Variants in AAMDC observed in about 807,000 individuals in gnomAD.
AAMDC encodes the protein mth938 domain-containing protein.
A neutral mutation model predicts 15.5 loss-of-function variants in AAMDC; 16 were observed. The ratio of observed to expected loss-of-function variants is 1.03; its 90% CI spans 0.70 to 1.57. The LOEUF is 1.57. AAMDC is among the 40% of genes most tolerant of loss of function. The pLI, the probability that AAMDC is intolerant of heterozygous loss-of-function variation, is 0.00. For synonymous variants in AAMDC, 51 were observed against 51.6 expected (o/e 0.99, Z 0.05); for missense variants, 141 against 144.9 (o/e 0.97, Z 0.14).
At chr11:77,832,532 G>C (rs1382779605) in intron 1 of AAMDC, among the ~76,000 whole-genome samples, 1 of 151,834 alleles carries the variant, frequency 6.6e-6, no homozygotes, top group Non-Finnish European at 1.5e-5. Context: ...CTCCATGTTG[G>C]TCAGGCTGGT....
intron 2 of AAMDC, among the ~76,000 whole-genome samples, chr11:77,845,188 T>G (rs889080005): frequency 4.6e-5 from 7 of 152,314 alleles, no homozygotes; most frequent in Non-Finnish European, 1.0e-4. Flanking sequence ...CAAGTATTCT[T>G]TCTACTCCTA....
At chr11:77,878,172 C>T (rs1951655071) in intron 5 of AAMDC, among the ~76,000 whole-genome samples, 2 of 152,004 alleles carry the variant, frequency 1.3e-5, no homozygotes, top group East Asian at 3.8e-4. Flanking sequence ...ACCATCCTGG[C>T]TAACATGGTG....
rs567441237 is a variant in AAMDC, at chr11:77,857,618, T to C, written c.133-12104T>C. On this transcript the variant is annotated intron_variant, in intron 2 of 3. Transcript: ENST00000393427. Reference sequence around the variant, plus strand: ...ATTTTACTTTAAGTTCTCGGATACATGTGCAGAACATGCAGGTTTGTTACA... The same window carrying C: ...ATTTTACTTTAAGTTCTCGGATACACGTGCAGAACATGCAGGTTTGTTACA... Among the ~76,000 whole-genome samples, 395 of 152,258 alleles carry C rather than the reference T, an allele frequency of 2.6e-3. 1 individual carries two copies. The highest frequency in any genetic ancestry group is 9.3e-3 in the African/African-American group (387 of 41,558).
chr11:77,851,806 G>A (rs1370007965), intron 2 of AAMDC, among the ~76,000 whole-genome samples: 1 of 152,112 alleles, frequency 6.6e-6, no homozygotes, highest in African/African-American at 2.4e-5. Flanking sequence ...TGTACAGCCT[G>A]CAGAACTGTG....
intron 1 of AAMDC, among the ~76,000 whole-genome samples, chr11:77,825,149 T>G (rs1419759125): frequency 6.6e-6 from 1 of 151,866 alleles, no homozygotes; most frequent in Non-Finnish European, 1.5e-5. Flanking sequence ...CCCGGCTAAT[T>G]TTTTTTGTAT....
At chr11:77,827,440 T>C (rs1565195154) in intron 1 of AAMDC, among the ~76,000 whole-genome samples, 1 of 152,112 alleles carries the variant, frequency 6.6e-6, no homozygotes, top group Non-Finnish European at 1.5e-5. Context: ...TTATACACCA[T>C]AAACAAGTGG....
intron 5 of AAMDC, among the ~76,000 whole-genome samples, chr11:77,893,139 T>C (rs1343765302): frequency 2.6e-5 from 4 of 152,248 alleles, no homozygotes; most frequent in Non-Finnish European, 4.4e-5. Flanking sequence ...ATACCAGAAG[T>C]CTGGTCACTC....
chr11:77,864,080 C>T (rs947687056), intron 2 of AAMDC, among the ~76,000 whole-genome samples: 1 of 151,760 alleles, frequency 6.6e-6, no homozygotes, highest in Non-Finnish European at 1.5e-5. Context: ...GTGCCTGCTA[C>T]CACACCCAGC....
At chr11:77,839,523 T>C (rs942963752) in intron 1 of AAMDC, among the ~76,000 whole-genome samples, 2 of 152,202 alleles carry the variant, frequency 1.3e-5, no homozygotes, top group Non-Finnish European at 2.9e-5. Context: ...TGCACACATA[T>C]ATTCATTGCA....
chr11:77,882,354 T>C (rs1047473246), intron 5 of AAMDC, among the ~76,000 whole-genome samples: 28 of 151,884 alleles, frequency 1.8e-4, no homozygotes, highest in African/African-American at 6.8e-4. Flanking sequence ...AGCTGAGTTC[T>C]AACTCTGGCC....
rs557999869 is a variant in AAMDC at position 77,861,494 on chromosome 11, G to A, written c.133-8228G>A. Among the ~76,000 whole-genome samples the A allele has an allele frequency of 7.2e-4, 109 of 152,314 alleles. 2 individuals are homozygous for A. Among genetic ancestry groups the A allele is most frequent in the African/African-American group, 2.6e-3 (106 of 41,562 alleles). ...AGTATACCCGGGGCTCTGTGAGGGT[G>A]ATGGCATGAGCTGGCACTTGCCCTG... is the stretch of plus-strand genomic sequence containing the variant. On this transcript the variant is annotated intron_variant, in intron 2 of 3. Transcript: ENST00000393427.
intron 5 of AAMDC, chr11:77,878,876 GT>G (rs1951683088): frequency 9.2e-7 from 1 of 1,084,370 alleles, no homozygotes; most frequent in African/African-American, 1.6e-5. Context: ...TCCAGGTGAA[GT>G]GCTTCAGGCT....
chr11:77,840,047 A>C (rs768547093), intron 1 of AAMDC, among the ~76,000 whole-genome samples: 1 of 152,108 alleles, frequency 6.6e-6, no homozygotes, highest in Non-Finnish European at 1.5e-5. Flanking sequence ...ACCAGGGTTG[A>C]TAGCATGTTA....
Position 77,885,961 on chromosome 11 carries a change from G to A in AAMDC, c.328+8912G>A, listed in dbSNP as rs139635463. ...CATGCCTATAATCCCAGCATTTTGC[G>A]GGGCTGAGGCGGGAGGATTGCTTGA... On this transcript the variant is annotated intron_variant, in intron 5 of 5. Transcript: ENST00000304716. Among the ~76,000 whole-genome samples the A allele has an allele frequency of 8.3e-4, 126 of 152,234 alleles. 1 individual carries two copies. Among genetic ancestry groups the A allele is most frequent in the Non-Finnish European group, 1.5e-3 (100 of 68,008 alleles).
chr11:77,875,229 C>G (rs1026072226), downstream of AAMDC, among the ~76,000 whole-genome samples: 11 of 152,178 alleles, frequency 7.2e-5, no homozygotes, highest in Middle Eastern at 3.2e-3. Context: ...TCTTTCCTTG[C>G]CCGGTTATGT....
chr11:77,847,953 G>C (rs1371727871), intron 2 of AAMDC, among the ~76,000 whole-genome samples: 1 of 152,014 alleles, frequency 6.6e-6, no homozygotes, highest in Non-Finnish European at 1.5e-5. Flanking sequence ...AAAATGGTGA[G>C]GCAGAAAAAA....
chr11:77,903,212 T>A (rs1343911713), downstream of AAMDC, among the ~76,000 whole-genome samples: 1 of 152,224 alleles, frequency 6.6e-6, no homozygotes, highest in South Asian at 2.1e-4. Context: ...CTAGTTATGC[T>A]CCTTCTCATA....
intron 2 of AAMDC, among the ~76,000 whole-genome samples, chr11:77,842,916 A>T (rs538784982): frequency 7.2e-5 from 11 of 152,338 alleles, no homozygotes; most frequent in African/African-American, 2.6e-4. Context: ...AACCACTACC[A>T]GTCAGTGCCC....
At chr11:77,852,801 T>C (rs1050563445) in intron 2 of AAMDC, among the ~76,000 whole-genome samples, 7 of 152,198 alleles carry the variant, frequency 4.6e-5, no homozygotes, top group African/African-American at 1.7e-4. Flanking sequence ...AAAGGTAGCA[T>C]GCCTTACTTC....
Sources: allele counts gnomAD v4.1 joint callset (sites outside exome capture counted in the v4.1 genomes callset), GRCh38; gene constraint gnomAD v4.1.1; transcripts MANE v1.5; gene names NCBI Gene and HGNC (gene_info 2026-07-23, HGNC 2026-07-21).